The following GTF2I variants were observed in gnomAD, a reference collection of about 807,000 sequenced individuals.
GTF2I encodes general transcription factor II-I.
A neutral mutation model predicts 67.6 loss-of-function variants in GTF2I; 12 were observed. The observed-to-expected ratio is 0.18, with a 90% CI of 0.11 to 0.29. GTF2I has a LOEUF of 0.29. Among genes scored for constraint, GTF2I ranks in the 10% least tolerant of loss-of-function variants. The pLI is 1.00. For synonymous variants in GTF2I, 149 were observed against 197.0 expected, an observed-to-expected ratio of 0.76 and a Z score of 2.04; for missense variants, 271 against 580.1, an observed-to-expected ratio of 0.47 and a Z score of 5.47.
At chr7:74,708,965 G>A (rs1052907657) in intron 8 of GTF2I, among the ~76,000 whole-genome samples, 2 of 152,150 alleles carry the variant, frequency 1.3e-5, no homozygotes, top group Non-Finnish European at 2.9e-5. Flanking sequence ...CACACCCATC[G>A]CTGGGAGACT....
chr7:74,721,580 CAATT>C (rs1445999131), intron 12 of GTF2I, among the ~76,000 whole-genome samples: 2 of 151,728 alleles, frequency 1.3e-5, no homozygotes, highest in Non-Finnish European at 2.9e-5. Context: ...ATTACATCAA[CAATT>C]AAATTCCTCA....
chr7:74,660,213 G>A (rs1171247317), intron 1 of GTF2I, among the ~76,000 whole-genome samples: 1 of 150,654 alleles, frequency 6.6e-6, no homozygotes, highest in Non-Finnish European at 1.5e-5. Flanking sequence ...GTTGTTGAGA[G>A]GGTTTCGTTC....
intron 1 of GTF2I, among the ~76,000 whole-genome samples, chr7:74,658,981 T>G (rs1804214914): frequency 6.6e-6 from 1 of 152,168 alleles, no homozygotes; most frequent in African/African-American, 2.4e-5. Flanking sequence ...CCCTAGGTTA[T>G]GGATTTGCGC....
intron 1 of GTF2I, among the ~76,000 whole-genome samples, chr7:74,677,960 G>A (rs1554392893): frequency 6.6e-6 from 1 of 152,014 alleles, no homozygotes; most frequent in African/African-American, 2.4e-5. Flanking sequence ...CAGTACTGCA[G>A]ACTCACCGCT....
intron 1 of GTF2I, among the ~76,000 whole-genome samples, chr7:74,676,299 T>C (rs1475985122): frequency 6.6e-6 from 1 of 152,100 alleles, no homozygotes; most frequent in African/African-American, 2.4e-5. Context: ...CTTAAACATG[T>C]TCTCATTAAA....
intron 12 of GTF2I, among the ~76,000 whole-genome samples, chr7:74,719,547 G>A (rs1792673090): frequency 6.6e-6 from 1 of 152,098 alleles, no homozygotes; most frequent in South Asian, 2.1e-4. Context: ...TGAATTATTT[G>A]AAAATTCAGC....
At chr7:74,712,196 C>T (rs2131402926) in intron 9 of GTF2I, among the ~76,000 whole-genome samples, 1 of 152,074 alleles carries the variant, frequency 6.6e-6, no homozygotes, top group East Asian at 1.9e-4. Flanking sequence ...GGTGATCCAC[C>T]CGCCTTGGCC....
At chr7:74,720,636 T>A (rs1430020246) in intron 12 of GTF2I, among the ~76,000 whole-genome samples, 1 of 152,128 alleles carries the variant, frequency 6.6e-6, no homozygotes, top group Admixed American at 6.5e-5. Flanking sequence ...GTGCCCTTTC[T>A]ATGGAGATAT....
At chr7:74,684,983 T>C (rs6967152) in intron 1 of GTF2I, 119,378 of 152,224 alleles carry the variant, frequency 0.78, 46,974 homozygotes, top group East Asian at 0.94. Flanking sequence ...GTTTAACTAC[T>C]TTCTGGGGTT....
At chr7:74,729,807 A>G (rs782395196) in intron 13 of GTF2I, among the ~76,000 whole-genome samples, 1 of 151,806 alleles carries the variant, frequency 6.6e-6, no homozygotes, top group Non-Finnish European at 1.5e-5. Context: ...TTGCAACTAT[A>G]TATCCGTAAA....
intron 1 of GTF2I, among the ~76,000 whole-genome samples, chr7:74,680,171 T>A (rs1455985237): frequency 6.9e-6 from 1 of 144,986 alleles, no homozygotes; most frequent in African/African-American, 2.5e-5. Flanking sequence ...CACACATATA[T>A]ATAATTTTAT....
intron 1 of GTF2I, among the ~76,000 whole-genome samples, chr7:74,676,983 C>T (rs1423446634): frequency 6.6e-6 from 1 of 151,978 alleles, no homozygotes; most frequent in East Asian, 1.9e-4. Flanking sequence ...TGCTTGAACC[C>T]AAGAGGTGGA....
At chr7:74,691,395 G>A (rs1554397032) in intron 3 of GTF2I, among the ~76,000 whole-genome samples, 2 of 151,938 alleles carry the variant, frequency 1.3e-5, no homozygotes, top group Admixed American at 6.6e-5. Context: ...TAGTAGAGAC[G>A]GGGTTTCTCC....
chr7:74,714,644 G>C (rs1379879470), intron 9 of GTF2I, among the ~76,000 whole-genome samples: 1 of 151,230 alleles, frequency 6.6e-6, no homozygotes, highest in South Asian at 2.1e-4. Context: ...TCTTTTGACT[G>C]TTTACATATG....
intron 1 of GTF2I, among the ~76,000 whole-genome samples, chr7:74,669,224 G>GTTTT (rs34714148): frequency 2.7e-4 from 20 of 75,446 alleles, no homozygotes; most frequent in Non-Finnish European, 3.5e-4. Flanking sequence ...GACTAGTTTA[G>GTTTT]TTTTTTTTTT....
At chr7:74,700,717 T>C in intron 6 of GTF2I, 83 bp downstream of exon 6, 2 of 1,290,062 alleles carry the variant, frequency 1.6e-6, no homozygotes, top group Non-Finnish European at 2.3e-6. Flanking sequence ...TTCTGTTTTA[T>C]TGTCTTTGAG....
chr7:74,686,233 C>T (rs587691231), intron 1 of GTF2I, among the ~76,000 whole-genome samples: 2 of 152,264 alleles, frequency 1.3e-5, no homozygotes, highest in African/African-American at 4.8e-5. Context: ...AGTAGCCTCC[C>T]ATCCTTTTGT....
At chr7:74,687,954 A>T (rs1224449709) in intron 1 of GTF2I, among the ~76,000 whole-genome samples, 1 of 152,224 alleles carries the variant, frequency 6.6e-6, no homozygotes, top group Non-Finnish European at 1.5e-5. Flanking sequence ...TTTAATAGGC[A>T]TCTAATTTGC....
chr7:74,756,912 C>T (rs781895908), intron 32 of GTF2I, 51 bp downstream of exon 32: 1 of 228,614 alleles, frequency 4.4e-6, no homozygotes, highest in Non-Finnish European at 6.4e-6. Flanking sequence ...CACAGTGGCA[C>T]AATGGCGTGC....
Sources: gnomAD v4.1 joint callset for allele counts (sites outside exome capture counted in the v4.1 genomes callset) on GRCh38, gnomAD v4.1.1 for gene constraint, MANE v1.5 for transcripts, NCBI Gene and HGNC (gene_info 2026-07-23, HGNC 2026-07-21) for gene names.